PFKFB3: variants seen among roughly 807,000 people sequenced by gnomAD.
PFKFB3 encodes the protein 6-phosphofructo-2-kinase/fructose-2,6-biphosphatase 3.
Under a neutral mutation model 68.0 loss-of-function variants are expected in PFKFB3, and 33 were observed. That is an observed-to-expected ratio of 0.49 (90% CI 0.37 to 0.65). The LOEUF (loss-of-function observed/expected upper bound fraction) is 0.65. Among genes scored for constraint, PFKFB3 ranks in the 30% least tolerant of loss-of-function variants. PFKFB3 has a pLI of 0.00. For missense variants in PFKFB3, 586 were observed against 712.2 expected (o/e 0.82, Z 2.02); for synonymous variants, 315 against 288.2 (o/e 1.09, Z -0.94).
intron 1 of PFKFB3, among the ~76,000 whole-genome samples, chr10:6,172,690 C>G (rs139975143): frequency 1.4e-4 from 22 of 152,074 alleles, no homozygotes; most frequent in African/African-American, 4.8e-4. Flanking sequence ...GGTGTGGTGG[C>G]GCATACCTGT....
At chr10:6,205,553 C>T (rs1472370445) in intron 1 of PFKFB3, among the ~76,000 whole-genome samples, 1 of 151,924 alleles carries the variant, frequency 6.6e-6, no homozygotes, top group African/African-American at 2.4e-5. Context: ...CCGCCATGCC[C>T]AGCTAATTTT....
At chr10:6,161,756 C>A (rs1841982938) in intron 1 of PFKFB3, among the ~76,000 whole-genome samples, 1 of 152,078 alleles carries the variant, frequency 6.6e-6, no homozygotes, top group Admixed American at 6.6e-5. Flanking sequence ...CCTCAGCCTC[C>A]CGAGTGGGTG....
At chr10:6,160,207 A>G (rs538328641) in intron 1 of PFKFB3, among the ~76,000 whole-genome samples, 1 of 152,338 alleles carries the variant, frequency 6.6e-6, no homozygotes, top group African/African-American at 2.4e-5. Context: ...ATGGGGGAAT[A>G]TACAAATACA....
intron 1 of PFKFB3, among the ~76,000 whole-genome samples, chr10:6,160,717 T>TAAAAA (rs1841944194): frequency 1.4e-4 from 1 of 7,266 alleles, no homozygotes; most frequent in Non-Finnish European, 3.7e-4. Context: ...AGACTCTGTC[T>TAAAAA]CAAAAAAAAA....
At chr10:6,147,152 G>T (rs1411676667) in intron 1 of PFKFB3, among the ~76,000 whole-genome samples, 1 of 152,214 alleles carries the variant, frequency 6.6e-6, no homozygotes, top group African/African-American at 2.4e-5. Flanking sequence ...GCTGCCTGGA[G>T]GGGACAAGGT....
chr10:6,151,566 C>T (rs952137317), intron 1 of PFKFB3, among the ~76,000 whole-genome samples: 1 of 152,028 alleles, frequency 6.6e-6, no homozygotes, highest in Admixed American at 6.6e-5. Context: ...GGTCTGCTGT[C>T]GTGACTGTCT....
chr10:6,158,862 T>C (rs1256902873), intron 1 of PFKFB3, among the ~76,000 whole-genome samples: 5 of 141,062 alleles, frequency 3.5e-5, no homozygotes, highest in South Asian at 2.2e-4. Flanking sequence ...AAAGCAAGAC[T>C]CCATCTCAAA....
chr10:6,236,962 A>G (rs1267536701), downstream of PFKFB3, among the ~76,000 whole-genome samples: 3 of 152,210 alleles, frequency 2.0e-5, no homozygotes, highest in East Asian at 3.9e-4. Context: ...CGTTGTACAC[A>G]CCAGTCGTTT....
Position 6,224,211 on chromosome 10 carries a change from G to A in PFKFB3, c.1339G>A (p.Glu447Lys). The A allele has an allele frequency of 1.2e-6, 2 of 1,613,752 alleles. No homozygotes were observed. Among genetic ancestry groups the A allele is most frequent in the South Asian group, 1.1e-5 (1 of 91,064 alleles). The change falls in exon 13 of 15, where the codon GAG becomes AAG. Residue 447 changes from glutamate to lysine, a missense_variant and splice_region_variant. Physicochemically the swap from Glu to Lys is moderately conservative, Grantham distance 56. Coordinates refer to ENST00000379775, the MANE Select transcript of PFKFB3 (RefSeq NM_004566.4). ...CGTCTGCACACACCGGGAGAGGTCA[G>A]AGGTGAGTGGAGGCCCCAAGCCTCA... Reference protein sequence around the residue: ...ESVCTHRERSEDAKKGPNPLM... With the variant: ...ESVCTHRERSKDAKKGPNPLM...
chr10:6,207,260 A>T (rs1413636426), intron 1 of PFKFB3, among the ~76,000 whole-genome samples: 1 of 152,164 alleles, frequency 6.6e-6, no homozygotes, highest in African/African-American at 2.4e-5. Context: ...ACACAGCGAA[A>T]CCCCGTCTCC....
chr10:6,283,550 T>TCAGCCCACGCTGATGGAGGCG, the PFKFB3 span, among the ~76,000 whole-genome samples: 843 of 3,658 alleles, frequency 0.23, 7 homozygotes, highest in African/African-American at 0.28. Context: ...AGATGGAGGC[T>TCAGCCCACGCTGATGGAGGCG]GGAAGACTCA....
chr10:6,223,004 G>A lies in PFKFB3; in HGVS notation c.1213+20G>A. On this transcript the variant is annotated intron_variant, in intron 11 of 14. Transcript: ENST00000379775. ...GTGCAGGTACCTCGGGCAGGTCGTG[G>A]CCCCGGGATGGAGGGAGGAGGGGAC... is the stretch of plus-strand genomic sequence containing the variant. 1 of 1,607,750 alleles carries A rather than the reference G, an allele frequency of 6.2e-7. No individual in the cohort carries two copies. The highest frequency in any genetic ancestry group is 8.5e-7 in the Non-Finnish European group (1 of 1,176,224).
At position 6,162,205 on chromosome 10, in the gene PFKFB3, A is replaced by G. The variant is rs371866782; in HGVS notation, c.16+17192A>G. Reference sequence around the variant, plus strand: ...GCTCACGGCTCATCCACGTTGTAGCATGGGTCAGAATTTCCATCTTTTTGG... The same window carrying G: ...GCTCACGGCTCATCCACGTTGTAGCGTGGGTCAGAATTTCCATCTTTTTGG... On this transcript the variant is annotated intron_variant, in intron 1 of 14. Coordinates refer to the PFKFB3 transcript ENST00000379789. Among the ~76,000 whole-genome samples the G allele has an allele frequency of 9.8e-5, 15 of 152,292 alleles. No individual in the cohort carries two copies. The East Asian group carries it at 2.5e-3, about 25-fold the overall frequency.
At chr10:6,152,683 C>G (rs1841631707) in intron 1 of PFKFB3, among the ~76,000 whole-genome samples, 1 of 150,888 alleles carries the variant, frequency 6.6e-6, no homozygotes, top group Non-Finnish European at 1.5e-5. Context: ...GTGAGACCAG[C>G]CTGGGCAACA....
At chr10:6,216,805 C>CT (rs1213348890) in intron 5 of PFKFB3, 25 bp downstream of exon 5, 1 of 1,568,586 alleles carries the variant, frequency 6.4e-7, no homozygotes. Flanking sequence ...TTGTGTTGTG[C>CT]TAGAGGGCTC....
chr10:6,222,386 G>T (rs1404317122), intron 10 of PFKFB3, among the ~76,000 whole-genome samples: 2 of 152,208 alleles, frequency 1.3e-5, no homozygotes, highest in Non-Finnish European at 2.9e-5. Context: ...CTTTCATCAC[G>T]TTAAAGTTAT....
intron 1 of PFKFB3, among the ~76,000 whole-genome samples, chr10:6,192,139 TACACACACACAC>T (rs60638987): frequency 0.079 from 9,406 of 119,104 alleles, 413 homozygotes; most frequent in South Asian, 0.12. Context: ...CATTCCCCAA[TACACACACACAC>T]ACACACACAC....
intron 14 of PFKFB3, among the ~76,000 whole-genome samples, chr10:6,251,137 T>G (rs935297175): frequency 6.6e-6 from 1 of 152,242 alleles, no homozygotes; most frequent in African/African-American, 2.4e-5. Context: ...CCAGCTCAAA[T>G]ATTTCACAAG....
rs980064598 is a variant in PFKFB3 at position 6,220,471 on chromosome 10, C to T, written c.624-187C>T. 1.3e-5 allele frequency among the ~76,000 whole-genome samples: 2 copies of T among 152,196 alleles called. No individual in the cohort carries two copies. Among genetic ancestry groups the T allele is most frequent in the Non-Finnish European group, 2.9e-5 (2 of 68,034 alleles). ...CTGGGAGGCAGGCCAGCCTCACAGC[C>T]AGACACCAGCTGTGGGAGTTGTCTT... On this transcript the variant is annotated intron_variant, in intron 7 of 14. Coordinates refer to ENST00000379775, the MANE Select transcript of PFKFB3 (RefSeq NM_004566.4). This position sits in a 1 kb window ranked among gnomAD's most constrained non-coding sequence, Gnocchi z 4.1.
Sources: gnomAD v4.1 joint callset for allele counts (sites outside exome capture counted in the v4.1 genomes callset) on GRCh38, gnomAD v4.1.1 for gene constraint, Gnocchi (gnomAD v3.1) non-coding constraint, MANE v1.5 for transcripts, NCBI Gene and HGNC (gene_info 2026-07-23, HGNC 2026-07-21) for gene names.